NRXN3: variants seen among roughly 807,000 people sequenced by gnomAD.
NRXN3 encodes neurexin 3.
NRXN3 carries 32 observed loss-of-function variants against 137.6 expected under a neutral mutation model. The ratio of observed to expected loss-of-function variants is 0.23; its 90% CI spans 0.18 to 0.31. The LOEUF (loss-of-function observed/expected upper bound fraction) is 0.31. NRXN3 is among the 10% of genes least tolerant of loss of function. The probability of loss-of-function intolerance (pLI) is 1.00; values close to 1 mark genes in which losing one functional copy is unlikely to be tolerated. For synonymous variants in NRXN3, 798 were observed against 784.5 expected, an observed-to-expected ratio of 1.02 and a Z score of -0.29; for missense variants, 1,574 against 2,062.5, an observed-to-expected ratio of 0.76 and a Z score of 4.59.
intron 15 of NRXN3, among the ~76,000 whole-genome samples, chr14:79,297,243 T>A (rs2084338644): frequency 6.6e-6 from 1 of 152,168 alleles, no homozygotes; most frequent in African/African-American, 2.4e-5. Flanking sequence ...GTGAGATTAT[T>A]TGATTAATAT....
At chr14:78,432,656 A>T (rs67985811) in intron 4 of NRXN3, among the ~76,000 whole-genome samples, 16,505 of 152,172 alleles carry the variant, frequency 0.11, 1,328 homozygotes, top group African/African-American at 0.22. Flanking sequence ...GTTTTAAGTT[A>T]TATTGTCTTC....
intron 4 of NRXN3, among the ~76,000 whole-genome samples, chr14:78,512,895 G>A (rs73324406): frequency 6.6e-6 from 1 of 152,294 alleles, no homozygotes; most frequent in African/African-American, 2.4e-5. Context: ...CTGTCATTGA[G>A]AGTGCTATTG....
At chr14:79,524,994 A>AT (rs1356941458) in intron 16 of NRXN3, among the ~76,000 whole-genome samples, 3 of 152,074 alleles carry the variant, frequency 2.0e-5, no homozygotes, top group Non-Finnish European at 4.4e-5. Context: ...TTTTTCTGAA[A>AT]TGGGGGTCTT....
intron 15 of NRXN3, among the ~76,000 whole-genome samples, chr14:79,135,010 A>AT (rs754024678): frequency 4.0e-4 from 61 of 152,294 alleles, no homozygotes; most frequent in South Asian, 6.2e-4. Context: ...CTTAGTGAAT[A>AT]TTTTTTGCCA....
rs1330406996 is a variant in NRXN3, at chr14:78,912,373, T to A, written c.2276-44869T>A. ...ATAGAGAAGCAATCAGTTCTTACTG[T>A]CAGTTAGAAAAAGCTATCCCAGTTA... On this transcript the variant is annotated intron_variant, in intron 10 of 20. Coordinates refer to ENST00000335750, the MANE Select transcript of NRXN3 (RefSeq NM_001330195.2). Among the ~76,000 whole-genome samples the A allele has an allele frequency of 7.9e-5, 12 of 151,478 alleles. No homozygotes were observed. The South Asian group carries it at 2.5e-3, about 32-fold the overall frequency.
At chr14:79,778,472 T>C (rs2099104388) in intron 19 of NRXN3, among the ~76,000 whole-genome samples, 1 of 152,084 alleles carries the variant, frequency 6.6e-6, no homozygotes, top group Non-Finnish European at 1.5e-5. Context: ...TGGAACATGA[T>C]GTTGGCATGA....
Position 79,850,307 on chromosome 14 carries a change from A to C in NRXN3, c.4094-11035A>C, listed in dbSNP as rs1342448633. Reference sequence around the variant, plus strand: ...TCTCCCTGGGAAGTTTAAAATATATAATGTTATGTAAAGTAACTCACTGGG... The same window carrying C: ...TCTCCCTGGGAAGTTTAAAATATATCATGTTATGTAAAGTAACTCACTGGG... On this transcript the variant is annotated intron_variant, in intron 20 of 20. Transcript: ENST00000335750. Among the ~76,000 whole-genome samples the C allele has an allele frequency of 2.0e-5, 3 of 152,208 alleles. No individual in the cohort carries two copies. In the East Asian group the frequency reaches 5.8e-4, roughly 29 times the overall value.
At chr14:78,346,022 TG>T (rs1389225012) in intron 4 of NRXN3, among the ~76,000 whole-genome samples, 2 of 152,094 alleles carry the variant, frequency 1.3e-5, no homozygotes, top group Non-Finnish European at 2.9e-5. Flanking sequence ...TTGGGACACT[TG>T]GGAGGCTAAG....
At chr14:78,411,506 C>A (rs1482457775) in intron 4 of NRXN3, among the ~76,000 whole-genome samples, 1 of 152,170 alleles carries the variant, frequency 6.6e-6, no homozygotes, top group Non-Finnish European at 1.5e-5. Flanking sequence ...TACCTTCCCA[C>A]AAGGTTATTG....
intron 6 of NRXN3, among the ~76,000 whole-genome samples, chr14:78,706,048 C>A (rs1156778664): frequency 1.3e-5 from 2 of 152,114 alleles, no homozygotes. Flanking sequence ...TTTTTTCCCT[C>A]CTTTTTATTC....
chr14:79,713,449 C>A (rs1363694245), intron 19 of NRXN3, among the ~76,000 whole-genome samples: 3 of 142,744 alleles, frequency 2.1e-5, no homozygotes, highest in African/African-American at 5.2e-5. Context: ...GGGTAACCAA[C>A]TTTAGTAGAG....
At chr14:78,421,423 G>A (rs1332532209) in intron 4 of NRXN3, among the ~76,000 whole-genome samples, 1 of 152,066 alleles carries the variant, frequency 6.6e-6, no homozygotes, top group Admixed American at 6.6e-5. Context: ...AAATTATGAT[G>A]CCTTATAGAT....
intron 4 of NRXN3, among the ~76,000 whole-genome samples, chr14:78,624,668 T>C (rs752955167): frequency 1.8e-4 from 27 of 152,008 alleles, no homozygotes; most frequent in Non-Finnish European, 3.1e-4. Context: ...GATGGCAAGA[T>C]AGATTGGAGA....
At chr14:78,739,591 C>T (rs902363999) in intron 8 of NRXN3, among the ~76,000 whole-genome samples, 8 of 152,212 alleles carry the variant, frequency 5.3e-5, no homozygotes, top group African/African-American at 1.9e-4. Context: ...CCTGCTTCAG[C>T]CTCCTGAGTA....
intron 17 of NRXN3, among the ~76,000 whole-genome samples, chr14:79,672,762 T>C (rs1057178426): frequency 3.3e-5 from 5 of 152,038 alleles, no homozygotes; most frequent in African/African-American, 4.8e-5. Context: ...GTTTTTCCTC[T>C]GCCCCAGAGC....
At chr14:78,245,971 G>C (rs2153455875) in intron 2 of NRXN3, among the ~76,000 whole-genome samples, 1 of 152,320 alleles carries the variant, frequency 6.6e-6, no homozygotes, top group African/African-American at 2.4e-5. Flanking sequence ...GCTGACTGCT[G>C]TTCCAGAGCT....
intron 8 of NRXN3, among the ~76,000 whole-genome samples, chr14:78,774,528 C>A (rs1427321439): frequency 6.6e-6 from 1 of 152,168 alleles, no homozygotes; most frequent in Non-Finnish European, 1.5e-5. Context: ...ATATTGAACT[C>A]TATTAAGCAT....
At chr14:79,092,144 G>A (rs1057453045) in intron 15 of NRXN3, among the ~76,000 whole-genome samples, 1 of 152,138 alleles carries the variant, frequency 6.6e-6, no homozygotes, top group Non-Finnish European at 1.5e-5. Flanking sequence ...GATTTATGAT[G>A]TGTGTTCCAG....
At chr14:79,499,977 G>GTGTGTA (rs1222601501) in intron 16 of NRXN3, among the ~76,000 whole-genome samples, 98 of 151,738 alleles carry the variant, frequency 6.5e-4, no homozygotes, top group African/African-American at 2.3e-3. Context: ...GTGTGTGTGT[G>GTGTGTA]TGTGTGTGTG....
Sources: allele counts gnomAD v4.1 joint callset (sites outside exome capture counted in the v4.1 genomes callset), GRCh38; gene constraint gnomAD v4.1.1; transcripts MANE v1.5; gene names NCBI Gene and HGNC (gene_info 2026-07-23, HGNC 2026-07-21).